Variants in DCK observed in about 807,000 individuals in gnomAD.
DCK encodes deoxycytidine kinase, also known as deoxyadenosine kinase.
Under a neutral mutation model 38.3 loss-of-function variants are expected in DCK, and 23 were observed. The ratio of observed to expected loss-of-function variants is 0.60; its 90% CI spans 0.43 to 0.85. The LOEUF (loss-of-function observed/expected upper bound fraction) is 0.85. Among genes scored for constraint, DCK ranks in the 40% least tolerant of loss-of-function variants. The probability of loss-of-function intolerance (pLI) is 0.00; values close to 1 mark genes in which losing one functional copy is unlikely to be tolerated. For synonymous variants in DCK, 108 were observed against 100.6 expected (o/e 1.07, Z -0.44); for missense variants, 259 against 304.4 (o/e 0.85, Z 1.11).
chr4:71,025,449 A>T (rs1740524821), intron 4 of DCK, among the ~76,000 whole-genome samples: 1 of 152,106 alleles, frequency 6.6e-6, no homozygotes. Context: ...GATATTTTGT[A>T]ATCAAGGTTG....
chr4:71,019,932 G>A (rs571988514), intron 2 of DCK, among the ~76,000 whole-genome samples: 5 of 152,156 alleles, frequency 3.3e-5, no homozygotes, highest in African/African-American at 9.6e-5. Context: ...GATTACAGGC[G>A]CGTGCCACCA....
At chr4:70,994,092 T>TA (rs1739605835) in intron 1 of DCK, 166 bp downstream of exon 1, 1 of 631,066 alleles carries the variant, frequency 1.6e-6, no homozygotes, top group Non-Finnish European at 2.9e-6. Context: ...ATCCTTCCCT[T>TA]ACCTCCCGCT....
intron 2 of DCK, among the ~76,000 whole-genome samples, chr4:71,013,532 G>A (rs1663182800): frequency 6.6e-6 from 1 of 152,164 alleles, no homozygotes; most frequent in Non-Finnish European, 1.5e-5. Context: ...ACCCACAAAG[G>A]GAAGCCCATC....
intron 2 of DCK, among the ~76,000 whole-genome samples, chr4:71,014,176 C>T (rs577346914): frequency 6.6e-4 from 101 of 152,128 alleles, no homozygotes; most frequent in Admixed American, 8.5e-4. Flanking sequence ...CAAAGAAGGC[C>T]ATTACATAAT....
chr4:71,029,024 T>C (rs1243455277), intron 6 of DCK, among the ~76,000 whole-genome samples: 1 of 152,206 alleles, frequency 6.6e-6, no homozygotes, highest in East Asian at 1.9e-4. Context: ...CCCAAAGTGC[T>C]GGGATTATAG....
intron 2 of DCK, among the ~76,000 whole-genome samples, chr4:71,013,397 A>G (rs1447390724): frequency 3.3e-5 from 5 of 152,226 alleles, no homozygotes; most frequent in Admixed American, 6.5e-5. Flanking sequence ...CAAATTCAGG[A>G]AATACAGAGA....
intron 2 of DCK, among the ~76,000 whole-genome samples, chr4:71,011,531 A>AT (rs1165280419): frequency 3.3e-5 from 5 of 151,922 alleles, no homozygotes; most frequent in East Asian, 3.9e-4. Flanking sequence ...TAATTTTTGT[A>AT]TTTTTTATAG....
At chr4:71,028,824 C>T (rs1220200918) in intron 6 of DCK, 4 of 296,498 alleles carry the variant, frequency 1.3e-5, no homozygotes, top group Non-Finnish European at 2.6e-5. Context: ...ATGGCGCGAT[C>T]TCAGCTCACC....
In DCK at chr4:71,025,848, A is replaced by G; in HGVS notation, c.582A>G (p.Arg194=). Residue 194 remains arginine (R), a synonymous_variant, in exon 5 of 7, where the codon AGA becomes AGG. Coordinates refer to ENST00000286648, the MANE Select transcript of DCK (RefSeq NM_000788.3). The part of the protein sequence containing the change: ...TCLHRIYLRG[R]NEEQGIPLEY... ...TACATAGAATATATTTACGGGGAAG[A>G]AATGAAGAGCAAGGCATTCCTCTTG... is the stretch of plus-strand genomic sequence containing the variant. 1 of 1,610,994 alleles carries G rather than the reference A, an allele frequency of 6.2e-7. No individual in the cohort carries two copies. Among genetic ancestry groups the G allele is most frequent in the Non-Finnish European group, 8.5e-7 (1 of 1,178,516 alleles).
At chr4:70,993,958 G>C in intron 1 of DCK, 32 bp downstream of exon 1, 1 of 1,503,626 alleles carries the variant, frequency 6.7e-7, no homozygotes, top group Non-Finnish European at 9.2e-7. Context: ...GGGACGCAAG[G>C]CTGGGGTGTC....
intron 1 of DCK, among the ~76,000 whole-genome samples, chr4:70,995,635 A>G (rs188637244): frequency 1.3e-5 from 2 of 152,234 alleles, no homozygotes; most frequent in East Asian, 3.9e-4. Flanking sequence ...CAATACCACA[A>G]TACATTCATC....
In DCK at chr4:70,998,151, G is replaced by A. The variant is rs764136160; in HGVS notation, c.176G>A (p.Cys59Tyr). Residue 59 changes from cysteine to tyrosine, a missense_variant, in exon 2 of 7, where the codon TGC (cysteine) becomes TAC (tyrosine). Cys to Tyr is a radical substitution (Grantham distance 194). Transcript: ENST00000286648. ...GTTCCTGAACCTGTTGCCAGATGGTGCAATGTTCAAAGTACTCAAGATGAA... is the reference window on the plus strand; with the variant it reads ...GTTCCTGAACCTGTTGCCAGATGGTACAATGTTCAAAGTACTCAAGATGAA... ...EVVPEPVARW[C>Y]NVQSTQDEFE... 7.5e-6 allele frequency: 12 copies of A among 1,599,832 alleles called. No individual in the cohort carries two copies. The highest frequency in any genetic ancestry group is 2.7e-5 in the African/African-American group (2 of 74,556).
chr4:71,007,450 C>A (rs1389877922), intron 2 of DCK, among the ~76,000 whole-genome samples: 2 of 152,194 alleles, frequency 1.3e-5, no homozygotes, highest in Admixed American at 6.5e-5. Flanking sequence ...ACTATATCTT[C>A]TTTCCTACGT....
intron 2 of DCK, among the ~76,000 whole-genome samples, chr4:71,001,496 G>A (rs756057826): frequency 6.6e-6 from 1 of 152,056 alleles, no homozygotes; most frequent in Non-Finnish European, 1.5e-5. Context: ...GGTGATGCTG[G>A]CCTCAAAAAA....
chr4:71,017,096 A>C (rs1329352739), intron 2 of DCK, among the ~76,000 whole-genome samples: 1 of 152,222 alleles, frequency 6.6e-6, no homozygotes, highest in Non-Finnish European at 1.5e-5. Context: ...AGAAAAAAAC[A>C]ACCCCATCAA....
At chr4:71,006,051 G>A (rs577296807) in intron 2 of DCK, among the ~76,000 whole-genome samples, 28 of 147,052 alleles carry the variant, frequency 1.9e-4, no homozygotes, top group African/African-American at 6.5e-4. Context: ...GCTTGAACCC[G>A]GGAGGTGGAG....
intron 2 of DCK, among the ~76,000 whole-genome samples, chr4:71,008,571 CT>C (rs987463871): frequency 1.3e-5 from 2 of 152,112 alleles, no homozygotes; most frequent in African/African-American, 4.8e-5. Context: ...ACTCTTTTTC[CT>C]TTTATTTCTG....
chr4:71,017,351 C>T (rs1285302474), intron 2 of DCK, among the ~76,000 whole-genome samples: 2 of 152,134 alleles, frequency 1.3e-5, no homozygotes, highest in African/African-American at 4.8e-5. Context: ...ACTAGTTCAA[C>T]CATGTGTAAG....
rs1157116999 is a variant in DCK at position 71,022,390 on chromosome 4, T to C, written c.231T>C (p.Asn77=). 6.5e-7 allele frequency: 1 copy of C among 1,529,146 alleles called. No individual in the cohort carries two copies. The highest frequency in any genetic ancestry group is 2.2e-5 in the Admixed American group (1 of 45,740). 94.7% of individuals were successfully genotyped at this position (1,529,146 alleles called of 1,614,324 possible). The change falls in exon 3 of 7, where the codon AAT becomes AAC. Residue 77 remains asparagine (N), a synonymous_variant. Transcript: ENST00000286648. The stretch of plus-strand genomic sequence containing the variant: ...AGGAACTTACAATGTCTCAGAAAAA[T>C]GGTGGGAATGTTCTTCAGATGATGT... ...EFEELTMSQK[N]GGNVLQMMYE... is the part of the protein sequence containing the mutation.
Sources: gnomAD v4.1 joint callset for allele counts (sites outside exome capture counted in the v4.1 genomes callset) on GRCh38, gnomAD v4.1.1 for gene constraint, MANE v1.5 for transcripts, NCBI Gene and HGNC (gene_info 2026-07-23, HGNC 2026-07-21) for gene names.